The following DLGAP2 variants were observed in gnomAD, a reference collection of about 807,000 sequenced individuals.
The protein encoded by DLGAP2 is DLG associated protein 2.
In DLGAP2, 26 loss-of-function variants were observed where a neutral mutation model predicts 100.3. The ratio of observed to expected loss-of-function variants is 0.26; its 90% CI spans 0.19 to 0.36. The LOEUF is 0.36. DLGAP2 is among the 10% of genes least tolerant of loss of function. The pLI, the probability that DLGAP2 is intolerant of heterozygous loss-of-function variation, is 1.00. For missense variants in DLGAP2, 1,858 were observed against 1,453.2 expected, an observed-to-expected ratio of 1.28 and a Z score of -4.53; for synonymous variants, 886 against 630.1, an observed-to-expected ratio of 1.41 and a Z score of -6.08.
rs891353149 is a variant in DLGAP2 at position 1,296,344 on chromosome 8, T to C, written c.106+37461T>C. Reference sequence around the variant, plus strand: ...TAAATTCCGAGTGCCTTAAAGAGACTTTCAGCGTTCCTTTAATCTCCCTGG... The same window carrying C: ...TAAATTCCGAGTGCCTTAAAGAGACCTTCAGCGTTCCTTTAATCTCCCTGG... On this transcript the variant is annotated intron_variant, in intron 3 of 14. Transcript: ENST00000637795. 2.0e-5 allele frequency: 3 copies of C among 152,320 alleles called. No individual in the cohort carries two copies. In the East Asian group the frequency reaches 5.8e-4, roughly 29 times the overall value. The allele number at this position is 152,320 out of a possible 1,614,324, so 9.4% of individuals were successfully genotyped here.
At chr8:893,836 G>A (rs1028112206) in intron 1 of DLGAP2, among the ~76,000 whole-genome samples, 3 of 152,256 alleles carry the variant, frequency 2.0e-5, no homozygotes, top group Non-Finnish European at 4.4e-5. Flanking sequence ...TCGGCCAGCA[G>A]CATGGGGCCC....
intron 4 of DLGAP2, among the ~76,000 whole-genome samples, chr8:1,537,058 C>T (rs1584902692): frequency 6.9e-6 from 1 of 144,886 alleles, no homozygotes; most frequent in Non-Finnish European, 1.5e-5. Context: ...CAAGGCAGCA[C>T]CACTGGTATG....
At chr8:1,214,656 C>G (rs1004801331) in intron 2 of DLGAP2, among the ~76,000 whole-genome samples, 1 of 152,216 alleles carries the variant, frequency 6.6e-6, no homozygotes, top group East Asian at 1.9e-4. Flanking sequence ...CAGTTAGGCT[C>G]TGAGGTCCTT....
intron 3 of DLGAP2, among the ~76,000 whole-genome samples, chr8:1,473,406 G>A (rs887529596): frequency 2.9e-4 from 44 of 152,336 alleles, no homozygotes; most frequent in African/African-American, 1.0e-3. Context: ...GATCCACTGC[G>A]GGGCTGGAGG....
At chr8:1,261,552 G>A (rs1231514325) in intron 3 of DLGAP2, among the ~76,000 whole-genome samples, 26 of 151,696 alleles carry the variant, frequency 1.7e-4, no homozygotes, top group Admixed American at 1.7e-3. Flanking sequence ...TCCAGCCGAG[G>A]GTGGGGGTGG....
At position 1,544,516 on chromosome 8, in the gene DLGAP2, T is replaced by C. The variant is rs74806743; in HGVS notation, c.173-4110T>C. Among the ~76,000 whole-genome samples, 1,512 of 152,258 alleles carry C rather than the reference T, an allele frequency of 9.9e-3. 27 individuals are homozygous for C. Among genetic ancestry groups the C allele is most frequent in the African/African-American group, 0.035 (1,451 of 41,520 alleles). On this transcript the variant is annotated intron_variant, in intron 4 of 14. Coordinates refer to ENST00000637795, the MANE Select transcript of DLGAP2 (RefSeq NM_001346810.2). The stretch of plus-strand genomic sequence containing the variant: ...CCTCCAGTCCTAGTTCTCTGAGTGT[T>C]TTTATCATGAAATAGTGTTGTACTT...
chr8:1,392,914 G>C (rs1796405904), intron 3 of DLGAP2, among the ~76,000 whole-genome samples: 1 of 134,884 alleles, frequency 7.4e-6, no homozygotes, highest in Admixed American at 7.6e-5. Context: ...CGGAGTCTCT[G>C]TGACTCTTTT....
At chr8:1,363,348 G>A (rs1802029666) in intron 3 of DLGAP2, among the ~76,000 whole-genome samples, 1 of 152,078 alleles carries the variant, frequency 6.6e-6, no homozygotes, top group Non-Finnish European at 1.5e-5. Flanking sequence ...TGTCTCTCCT[G>A]CCTCTGCCTC....
intron 1 of DLGAP2, among the ~76,000 whole-genome samples, chr8:837,346 C>G (rs866023054): frequency 4.6e-5 from 7 of 152,228 alleles, no homozygotes; most frequent in Non-Finnish European, 7.3e-5. Context: ...GTTCCAGCCA[C>G]TTTTCGTGGT....
intron 3 of DLGAP2, among the ~76,000 whole-genome samples, chr8:1,352,856 A>G (rs555991431): frequency 6.6e-6 from 1 of 152,172 alleles, no homozygotes; most frequent in East Asian, 1.9e-4. Context: ...GACGCAGGAG[A>G]TCCTGGAGGA....
intron 4 of DLGAP2, 30 bp downstream of exon 4, chr8:1,501,461 C>T (rs753915355): frequency 2.0e-5 from 30 of 1,534,528 alleles, no homozygotes; most frequent in South Asian, 3.6e-5. Context: ...CCCGCTCTGG[C>T]GGGGCCCGGA....
At position 872,751 on chromosome 8, in the gene DLGAP2, C is replaced by G. The variant is rs148750581; in HGVS notation, c.19-35161C>G. ...TTCAAAGAGGTACATGCAACTATCA[C>G]CACAGTCAATTTCAGAACACTCTCC... On this transcript the variant is annotated intron_variant, in intron 1 of 14. Transcript: ENST00000637795. 5.0e-3 allele frequency among the ~76,000 whole-genome samples: 754 copies of G among 152,256 alleles called. 4 individuals are homozygous for G. Among genetic ancestry groups the G allele is most frequent in the Non-Finnish European group, 7.1e-3 (486 of 68,012 alleles).
chr8:936,045 A>G (rs1026707127), intron 2 of DLGAP2, among the ~76,000 whole-genome samples: 1 of 152,222 alleles, frequency 6.6e-6, no homozygotes, highest in Non-Finnish European at 1.5e-5. Flanking sequence ...ACCCGTCTCC[A>G]ACCTGCTGGA....
chr8:1,407,422 G>A (rs1182753459), intron 3 of DLGAP2, among the ~76,000 whole-genome samples: 277 of 67,548 alleles, frequency 4.1e-3, no homozygotes, highest in Middle Eastern at 0.028. Flanking sequence ...CCACCTCCTT[G>A]TCCTCCAGAG....
chr8:858,779 G>A (rs1022942913), intron 1 of DLGAP2, among the ~76,000 whole-genome samples: 12 of 152,172 alleles, frequency 7.9e-5, no homozygotes, highest in East Asian at 1.9e-4. Flanking sequence ...TGCTGTCACC[G>A]TGGGCATATA....
intron 2 of DLGAP2, chr8:1,137,273 A>G (rs1301908649): frequency 6.6e-6 from 1 of 152,552 alleles, no homozygotes; most frequent in Non-Finnish European, 1.5e-5. Flanking sequence ...TCAAAACCTC[A>G]TTTAACCTGG....
intron 3 of DLGAP2, among the ~76,000 whole-genome samples, chr8:1,356,534 G>C (rs779854154): frequency 6.6e-6 from 1 of 152,068 alleles, no homozygotes; most frequent in Non-Finnish European, 1.5e-5. Context: ...GCCAGGAAGC[G>C]CTCCTCCCTC....
In DLGAP2 at chr8:1,668,588, G is replaced by C; in HGVS notation, c.2070G>C (p.Gln690His). The change falls in exon 9 of 15, where the codon CAG becomes CAC. Residue 690 changes from glutamine (Q) to histidine (H), a missense_variant. Coordinates refer to ENST00000637795, the MANE Select transcript of DLGAP2 (RefSeq NM_001346810.2). ...CCCAGCGCCACCTGCCAGAGAGCCA[G>C]AGCAGCTCTGTGCGGACCAGCGACA... ...AAAQRHLPES[Q>H]SSSVRTSDKA... 6.3e-7 allele frequency: 1 copy of C among 1,598,120 alleles called. No individual in the cohort carries two copies. Among genetic ancestry groups the C allele is most frequent in the African/African-American group, 1.3e-5 (1 of 74,672 alleles).
chr8:1,541,690 G>A (rs182727640), intron 4 of DLGAP2, among the ~76,000 whole-genome samples: 36 of 152,332 alleles, frequency 2.4e-4, no homozygotes, highest in Admixed American at 2.0e-3. Context: ...TCACCCAGAC[G>A]AGATCTAAGG....
Sources: gnomAD v4.1 joint callset for allele counts (sites outside exome capture counted in the v4.1 genomes callset) on GRCh38, gnomAD v4.1.1 for gene constraint, MANE v1.5 for transcripts, NCBI Gene and HGNC (gene_info 2026-07-23, HGNC 2026-07-21) for gene names.